The following MAJIN variants were observed in gnomAD, a reference collection of about 807,000 sequenced individuals.
MAJIN encodes membrane-anchored junction protein.
A neutral mutation model predicts 30.2 loss-of-function variants in MAJIN; 27 were observed. That is an observed-to-expected ratio of 0.89 (90% CI 0.66 to 1.23). MAJIN has a LOEUF of 1.23. Ranked by LOEUF, MAJIN falls within the 50% of genes most tolerant of loss-of-function variation. MAJIN has a pLI of 0.00. For missense variants in MAJIN, 253 were observed against 260.3 expected, an observed-to-expected ratio of 0.97 and a Z score of 0.19; for synonymous variants, 78 against 91.6, an observed-to-expected ratio of 0.85 and a Z score of 0.85.
At chr11:64,966,013 T>C (rs1590708548) in intron 1 of MAJIN, among the ~76,000 whole-genome samples, 1 of 149,354 alleles carries the variant, frequency 6.7e-6, no homozygotes, top group East Asian at 2.0e-4. Flanking sequence ...CTCTAAAATA[T>C]CCTACCAACC....
chr11:64,958,918 C>G (rs1355325205), intron 3 of MAJIN, among the ~76,000 whole-genome samples: 2 of 151,972 alleles, frequency 1.3e-5, no homozygotes, highest in Non-Finnish European at 2.9e-5. Flanking sequence ...AGCCACTATG[C>G]CCAGCCCTGA....
At chr11:64,967,259 T>C (rs947988992) in intron 1 of MAJIN, among the ~76,000 whole-genome samples, 6 of 150,906 alleles carry the variant, frequency 4.0e-5, no homozygotes, top group Non-Finnish European at 7.4e-5. Flanking sequence ...ATATAAAAAT[T>C]AACCGGGCGT....
chr11:64,946,455 T>C (rs2136736966), intron 8 of MAJIN, among the ~76,000 whole-genome samples: 1 of 152,334 alleles, frequency 6.6e-6, no homozygotes, highest in South Asian at 2.1e-4. Flanking sequence ...ATCTGAGACC[T>C]CATTTGCATG....
chr11:64,965,773 G>C (rs1442192868), intron 1 of MAJIN, among the ~76,000 whole-genome samples: 1 of 151,918 alleles, frequency 6.6e-6, no homozygotes, highest in Non-Finnish European at 1.5e-5. Flanking sequence ...TGGCTAACAC[G>C]GTGAAACCCC....
At chr11:64,961,583 C>T (rs1442401265) in intron 1 of MAJIN, among the ~76,000 whole-genome samples, 1 of 144,882 alleles carries the variant, frequency 6.9e-6, no homozygotes, top group African/African-American at 2.5e-5. Context: ...TCACGCCATT[C>T]TCCTGCCTCA....
In MAJIN at chr11:64,938,410, G is replaced by T; in HGVS notation, c.*165C>A. 1 of 1,163,522 alleles carries T rather than the reference G, an allele frequency of 8.6e-7. No homozygotes were observed. Among genetic ancestry groups the T allele is most frequent in the Non-Finnish European group, 1.2e-6 (1 of 811,584 alleles). The allele number at this position is 1,163,522 out of a possible 1,614,324, so 72.1% of individuals were successfully genotyped here. On this transcript the variant is annotated 3_prime_UTR_variant, in exon 11 of 11. Transcript: ENST00000301896. ...AAAACCACAGAGGACTCAGCATGGGGACCTCATTCCCCACGACTGAAGTGT... is the reference window on the plus strand; with the variant it reads ...AAAACCACAGAGGACTCAGCATGGGTACCTCATTCCCCACGACTGAAGTGT...
intron 1 of MAJIN, among the ~76,000 whole-genome samples, chr11:64,967,464 T>G (rs1289094378): frequency 6.6e-6 from 1 of 151,968 alleles, no homozygotes; most frequent in Admixed American, 6.6e-5. Context: ...AGAAACAAAG[T>G]GCTGGTTTCC....
intron 3 of MAJIN, among the ~76,000 whole-genome samples, chr11:64,957,052 C>A (rs1945647218): frequency 6.6e-6 from 1 of 151,714 alleles, no homozygotes; most frequent in Admixed American, 6.6e-5. Context: ...CAGGCGTGAG[C>A]CACCGCGCCT....
Position 64,938,582 on chromosome 11 carries a change from A to AT in MAJIN, c.*2-10dup, listed in dbSNP as rs997613465. On this transcript the variant is annotated splice_polypyrimidine_tract_variant and intron_variant, in intron 10 of 10. Coordinates refer to ENST00000301896, the MANE Select transcript of MAJIN (RefSeq NM_001037225.3). ...GAAACGGGAAGAGAGAGCTGCAAGAATGAGAACAGAGTAGGCTGAGACTCT... is the reference window on the plus strand; with the variant it reads ...GAAACGGGAAGAGAGAGCTGCAAGAATTGAGAACAGAGTAGGCTGAGACTCT... The AT allele has an allele frequency of 3.9e-6, 6 of 1,535,654 alleles. No individual in the cohort carries two copies. The Admixed American group carries it at 1.2e-4, about 30-fold the overall frequency.
chr11:64,940,451 G>A (rs1945356819), intron 9 of MAJIN, 123 bp downstream of exon 9: 1 of 941,510 alleles, frequency 1.1e-6, no homozygotes, highest in African/African-American at 1.6e-5. Context: ...ACCTCCACGG[G>A]AGCAAGGCAC....
rs559603000 is a variant in MAJIN, at chr11:64,964,223, C to T, written c.-64-4088G>A. ...CCTCCCAAAGTGCTGGGATTACAGG[C>T]GTGAGCCACCGCACCCAGCCTCCTT... On this transcript the variant is annotated intron_variant, in intron 1 of 10. Coordinates refer to ENST00000301896, the MANE Select transcript of MAJIN (RefSeq NM_001037225.3). Among the ~76,000 whole-genome samples, 15 of 152,210 alleles carry T rather than the reference C, an allele frequency of 9.9e-5. No homozygotes were observed. In the East Asian group the frequency reaches 2.7e-3, roughly 27 times the overall value.
At chr11:64,958,118 T>G (rs1173692814) in intron 3 of MAJIN, among the ~76,000 whole-genome samples, 1 of 151,926 alleles carries the variant, frequency 6.6e-6, no homozygotes, top group East Asian at 1.9e-4. Flanking sequence ...TTTTTTTTTA[T>G]TTTTGGTAGA....
intron 8 of MAJIN, among the ~76,000 whole-genome samples, chr11:64,943,522 A>G (rs1202280681): frequency 6.6e-6 from 1 of 152,248 alleles, no homozygotes; most frequent in African/African-American, 2.4e-5. Flanking sequence ...CCATAGGAGC[A>G]AATTCAATTT....
intron 3 of MAJIN, among the ~76,000 whole-genome samples, chr11:64,955,276 A>AG (rs1945614139): frequency 6.6e-6 from 1 of 152,058 alleles, no homozygotes; most frequent in African/African-American, 2.4e-5. Context: ...ACTGCTGCAT[A>AG]GGAAAAAAAA....
intron 4 of MAJIN, among the ~76,000 whole-genome samples, chr11:64,951,950 A>C (rs1945558532): frequency 6.6e-6 from 1 of 151,692 alleles, no homozygotes; most frequent in African/African-American, 2.4e-5. Context: ...GTGCAGCCGC[A>C]CAATCTTGGC....
chr11:64,953,006 CAGTA>C (rs1424471017), intron 4 of MAJIN, among the ~76,000 whole-genome samples: 1 of 152,058 alleles, frequency 6.6e-6, no homozygotes, highest in African/African-American at 2.4e-5. Flanking sequence ...CGCCCAGCCT[CAGTA>C]AGTGTTTTCT....
intron 3 of MAJIN, among the ~76,000 whole-genome samples, chr11:64,955,257 G>T (rs1318453602): frequency 6.7e-6 from 1 of 149,022 alleles, no homozygotes; most frequent in Non-Finnish European, 1.5e-5. Flanking sequence ...ATCAGTCAAA[G>T]AAATCTTTAC....
intron 10 of MAJIN, among the ~76,000 whole-genome samples, chr11:64,938,952 C>G: frequency 6.6e-6 from 1 of 152,262 alleles, no homozygotes; most frequent in African/African-American, 2.4e-5. Context: ...TTTTTTGAGA[C>G]AGAGTCTTGC....
chr11:64,954,930 CTGACCCAG>C, intron 3 of MAJIN, 128 bp from the exon 4 acceptor site: 1 of 816,556 alleles, frequency 1.2e-6, no homozygotes, highest in East Asian at 2.6e-5. Context: ...ACTGTGTAAG[CTGACCCAG>C]TGCTCATGGG....
Sources: allele counts gnomAD v4.1 joint callset (sites outside exome capture counted in the v4.1 genomes callset), GRCh38; gene constraint gnomAD v4.1.1; transcripts MANE v1.5; gene names NCBI Gene and HGNC (gene_info 2026-07-23, HGNC 2026-07-21).